Variants in NT5C2 observed in about 807,000 individuals in gnomAD.
The protein encoded by NT5C2 is 5'-nucleotidase, cytosolic II.
Under a neutral mutation model 76.1 loss-of-function variants are expected in NT5C2, and 58 were observed. The ratio of observed to expected loss-of-function variants is 0.76; its 90% CI spans 0.62 to 0.95. NT5C2 has a LOEUF of 0.95. NT5C2 is among the 40% of genes least tolerant of loss of function. The pLI, the probability that NT5C2 is intolerant of heterozygous loss-of-function variation, is 0.00. For missense variants in NT5C2, 478 were observed against 690.3 expected (o/e 0.69, Z 3.45); for synonymous variants, 229 against 237.4 (o/e 0.96, Z 0.32).
chr10:103,089,918 AAAAAGCT>A lies in NT5C2; in HGVS notation c.1450-17_1450-11del, dbSNP rs1401409986. 6.4e-7 allele frequency: 1 copy of A among 1,574,246 alleles called. No homozygotes were observed. The highest frequency in any genetic ancestry group is 1.9e-5 in the Admixed American group (1 of 53,948). ...TTGATTCATGAGGCATCTAGACAGAAAAAAGCTAGAGGCTCAGAAAGCAGGCAGAGCA... is the reference window on the plus strand; with the variant it reads ...TTGATTCATGAGGCATCTAGACAGAAAGAGGCTCAGAAAGCAGGCAGAGCA... On this transcript the variant is annotated splice_polypyrimidine_tract_variant and intron_variant, in intron 18 of 18. Transcript: ENST00000404739.
At chr10:103,117,862 C>G (rs1028738747) in intron 4 of NT5C2, among the ~76,000 whole-genome samples, 1 of 151,342 alleles carries the variant, frequency 6.6e-6, no homozygotes, top group Non-Finnish European at 1.5e-5. Context: ...GAGGGTTATT[C>G]GGAGCAACTA....
chr10:103,166,583 A>G (rs145960281), intron 3 of NT5C2, among the ~76,000 whole-genome samples: 233 of 152,344 alleles, frequency 1.5e-3, no homozygotes, highest in African/African-American at 5.1e-3. Flanking sequence ...AAGATGAAAC[A>G]TGAATAAAAG....
intron 2 of NT5C2, chr10:103,175,734 T>G (rs138555549): frequency 1.1e-5 from 3 of 270,626 alleles, no homozygotes; most frequent in Admixed American, 4.0e-5. Context: ...CCGGGGCCAC[T>G]GGCGATGCCA....
chr10:103,096,032 T>C (rs1212865372), intron 11 of NT5C2, 52 bp from the exon 12 acceptor site: 1 of 1,317,246 alleles, frequency 7.6e-7, no homozygotes, highest in Non-Finnish European at 1.1e-6. Flanking sequence ...GCAAAAGGTA[T>C]ATAACCTAAA....
intron 4 of NT5C2, among the ~76,000 whole-genome samples, chr10:103,118,917 G>C (rs998664579): frequency 7.2e-5 from 11 of 151,774 alleles, no homozygotes; most frequent in African/African-American, 2.7e-4. Flanking sequence ...CTATTTGTGG[G>C]GGAGGGCAAG....
chr10:103,146,127 A>G (rs2081435342), intron 3 of NT5C2: 1 of 985,274 alleles, frequency 1.0e-6, no homozygotes, highest in African/African-American at 1.7e-5. Context: ...GGTCCCTAGT[A>G]TAGTTTTTTT....
chr10:103,190,055 G>T (rs2092513296), intron 1 of NT5C2, among the ~76,000 whole-genome samples: 1 of 137,172 alleles, frequency 7.3e-6, no homozygotes. Context: ...AGGCTGGAGT[G>T]CGTGGCGCAA....
At chr10:103,139,974 G>A (rs2080086169) in intron 3 of NT5C2, 1 of 153,492 alleles carries the variant, frequency 6.5e-6, no homozygotes, top group African/African-American at 2.4e-5. Context: ...CTGGAGTGCA[G>A]TGGTGAAATC....
chr10:103,125,253 T>C (rs2076442240), intron 4 of NT5C2: 3 of 760,550 alleles, frequency 3.9e-6, no homozygotes, highest in Non-Finnish European at 6.6e-6. Context: ...TGATCATCAA[T>C]GATTTCAAAT....
At position 103,090,956 on chromosome 10, in the gene NT5C2, A is replaced by G. The variant is rs759224877; in HGVS notation, c.1252T>C (p.Ser418Pro). 5 of 1,614,024 alleles carry G rather than the reference A, an allele frequency of 3.1e-6. No homozygotes were observed. The highest frequency in any genetic ancestry group is 4.2e-6 in the Non-Finnish European group (5 of 1,179,960). Residue 418 changes from serine to proline, a missense_variant, in exon 17 of 19, where the codon TCC becomes CCC. Transcript: ENST00000404739. ...SSSNERPDIS[S>P]IQRRIKKVTH... ...GATACCTTAATACGTCTCTGGATGG[A>G]ACTGATGTCTGGACGCTCATTGCTA...
chr10:103,141,512 T>C (rs2080425367), intron 3 of NT5C2, among the ~76,000 whole-genome samples: 1 of 152,182 alleles, frequency 6.6e-6, no homozygotes, highest in Non-Finnish European at 1.5e-5. Context: ...GTCTTTCTTA[T>C]ACAGTAAATG....
chr10:103,178,815 A>G (rs2090509359), intron 2 of NT5C2, among the ~76,000 whole-genome samples: 1 of 148,402 alleles, frequency 6.7e-6, no homozygotes, highest in African/African-American at 2.5e-5. Flanking sequence ...AGCCTGGGCA[A>G]CAAGATCAAG....
intron 3 of NT5C2, among the ~76,000 whole-genome samples, chr10:103,156,539 G>A (rs994571359): frequency 6.7e-6 from 1 of 149,508 alleles, no homozygotes; most frequent in Non-Finnish European, 1.5e-5. Context: ...CGGATCACCT[G>A]AGGTCAGGAG....
At position 103,171,010 on chromosome 10, in the gene NT5C2, TTACA is replaced by T. The variant is rs1425903416; in HGVS notation, c.101+3844_101+3847del. ...AATCTTTTCCAAATGTTATGTTTTA[TTACA>T]TAGACACACATAAATGTTCTGTTTT... On this transcript the variant is annotated intron_variant, in intron 3 of 18. Transcript: ENST00000404739. Among the ~76,000 whole-genome samples, 11 of 152,338 alleles carry T rather than the reference TTACA, an allele frequency of 7.2e-5. No individual in the cohort carries two copies. In the South Asian group the frequency reaches 2.1e-3, roughly 29 times the overall value.
intron 4 of NT5C2, among the ~76,000 whole-genome samples, chr10:103,121,242 T>C (rs376426052): frequency 6.6e-4 from 101 of 152,334 alleles, no homozygotes; most frequent in African/African-American, 2.0e-3. Context: ...CTTAATGCCA[T>C]TGAATTGTAT....
At chr10:103,118,491 G>A (rs939124941) in intron 4 of NT5C2, among the ~76,000 whole-genome samples, 1 of 151,688 alleles carries the variant, frequency 6.6e-6, no homozygotes, top group Non-Finnish European at 1.5e-5. Flanking sequence ...AGAGTAGCTG[G>A]GATTACAGAC....
At chr10:103,182,680 C>A (rs1274106321) in intron 1 of NT5C2, among the ~76,000 whole-genome samples, 1 of 151,846 alleles carries the variant, frequency 6.6e-6, no homozygotes, top group Non-Finnish European at 1.5e-5. Flanking sequence ...TATAATCAAC[C>A]ATTCATTCTC....
intron 4 of NT5C2, among the ~76,000 whole-genome samples, chr10:103,135,189 T>G (rs1273025188): frequency 2.6e-5 from 4 of 152,198 alleles, no homozygotes; most frequent in Admixed American, 6.5e-5. Context: ...ACAAGAGATT[T>G]AGAAGGGCCA....
chr10:103,093,429 G>T (rs1590661528), intron 14 of NT5C2, 120 bp from the exon 15 acceptor site: 2 of 884,152 alleles, frequency 2.3e-6, no homozygotes, highest in Non-Finnish European at 3.2e-6. Flanking sequence ...AGACTAGGAA[G>T]AATAGACAAA....
Sources: gnomAD v4.1 joint callset for allele counts (sites outside exome capture counted in the v4.1 genomes callset) on GRCh38, gnomAD v4.1.1 for gene constraint, MANE v1.5 for transcripts, NCBI Gene and HGNC (gene_info 2026-07-23, HGNC 2026-07-21) for gene names.